PEAK1: variants seen among roughly 807,000 people sequenced by gnomAD.
PEAK1 encodes the protein pseudopodium enriched atypical kinase 1.
PEAK1 carries 54 observed loss-of-function variants against 124.7 expected under a neutral mutation model. The ratio of observed to expected loss-of-function variants is 0.43; its 90% CI spans 0.35 to 0.54. PEAK1 has a LOEUF of 0.54. Ranked by LOEUF, PEAK1 falls within the 20% of genes least tolerant of loss-of-function variation. PEAK1 has a pLI of 0.01. For missense variants in PEAK1, 2,046 were observed against 2,134.5 expected, an observed-to-expected ratio of 0.96 and a Z score of 0.82; for synonymous variants, 719 against 760.0, an observed-to-expected ratio of 0.95 and a Z score of 0.89.
chr15:77,398,804 GGAAA>G (rs773214572), intron 1 of PEAK1, among the ~76,000 whole-genome samples: 1 of 152,038 alleles, frequency 6.6e-6, no homozygotes, highest in Non-Finnish European at 1.5e-5. Flanking sequence ...TATCCAAATT[GGAAA>G]GAAAGAAGTC....
intron 9 of PEAK1, among the ~76,000 whole-genome samples, chr15:77,121,886 ATC>A (rs2051948988): frequency 6.6e-6 from 1 of 152,174 alleles, no homozygotes; most frequent in South Asian, 2.1e-4. Flanking sequence ...ACATTACACC[ATC>A]TGTGCCATTT....
chr15:77,257,902 G>C (rs1445700779), intron 5 of PEAK1, among the ~76,000 whole-genome samples: 1 of 152,122 alleles, frequency 6.6e-6, no homozygotes, highest in Non-Finnish European at 1.5e-5. Flanking sequence ...ATTGATTTTT[G>C]TATAAGGTGT....
chr15:77,352,989 A>T, intron 2 of PEAK1: 1 of 985,258 alleles, frequency 1.0e-6, no homozygotes, highest in Non-Finnish European at 1.2e-6. Context: ...TTAAATACTC[A>T]GTGAGTAAAA....
chr15:77,118,268 G>C (rs1186889969), intron 9 of PEAK1, among the ~76,000 whole-genome samples: 1 of 152,122 alleles, frequency 6.6e-6, no homozygotes, highest in Non-Finnish European at 1.5e-5. Context: ...CCCAAACACA[G>C]ACCAATGGAG....
At chr15:77,408,752 A>G (rs1351197652) in intron 1 of PEAK1, among the ~76,000 whole-genome samples, 1 of 152,152 alleles carries the variant, frequency 6.6e-6, no homozygotes, top group East Asian at 1.9e-4. Context: ...AGCATTTGAA[A>G]TATTCAACTA....
intron 1 of PEAK1, among the ~76,000 whole-genome samples, chr15:77,407,304 A>G (rs1428795110): frequency 6.6e-6 from 1 of 152,218 alleles, no homozygotes. Context: ...TCTGCACAGC[A>G]AACGAAATAA....
At chr15:77,313,652 A>ATGTGTGTGTGTGTGTGTGTGTGTGTG (rs775220459) in intron 2 of PEAK1, among the ~76,000 whole-genome samples, 1 of 90,602 alleles carries the variant, frequency 1.1e-5, no homozygotes, top group African/African-American at 4.4e-5. Flanking sequence ...GTATGTATGT[A>ATGTGTGTGTGTGTGTGTGTGTGTGTG]TGTGTGTGTG....
intron 6 of PEAK1, among the ~76,000 whole-genome samples, chr15:77,245,560 G>A (rs535751673): frequency 5.3e-5 from 8 of 151,814 alleles, no homozygotes; most frequent in African/African-American, 1.4e-4. Context: ...TTAGCCGGGC[G>A]TGGTGGCACA....
chr15:77,287,482 T>C (rs548378273), intron 2 of PEAK1, among the ~76,000 whole-genome samples: 8 of 152,204 alleles, frequency 5.3e-5, no homozygotes, highest in African/African-American at 9.7e-5. Flanking sequence ...TAAATTGTGA[T>C]TCAAAAAGGA....
At chr15:77,332,055 G>GTA (rs2065919433) in intron 2 of PEAK1, 1 of 420,796 alleles carries the variant, frequency 2.4e-6, no homozygotes. Context: ...TGGCCAACAT[G>GTA]GCGAAACTGT....
At chr15:77,318,987 A>G (rs1457803259) in intron 2 of PEAK1, among the ~76,000 whole-genome samples, 1 of 152,204 alleles carries the variant, frequency 6.6e-6, no homozygotes, top group African/African-American at 2.4e-5. Flanking sequence ...TAAAATGCTA[A>G]TTCAAAAGTA....
intron 6 of PEAK1, among the ~76,000 whole-genome samples, chr15:77,235,069 T>G (rs992649921): frequency 1.3e-5 from 2 of 152,080 alleles, no homozygotes; most frequent in African/African-American, 4.8e-5. Flanking sequence ...CCACCATGAT[T>G]TTAAGTTTCC....
Position 77,181,622 on chromosome 15 carries a change from A to G in PEAK1, c.305T>C (p.Ile102Thr), listed in dbSNP as rs760068514. 2 of 1,614,172 alleles carry G rather than the reference A, an allele frequency of 1.2e-6. No individual in the cohort carries two copies. Among genetic ancestry groups the G allele is most frequent in the South Asian group, 2.2e-5 (2 of 91,080 alleles). ...QEHCENKPVI[I>T]GWNRNRAALS... Reference sequence around the variant, plus strand: ...GGCAGCTCTGTTTCGGTTCCACCCTATGATGACAGGTTTGTTCTCACAGTG... The same window carrying G: ...GGCAGCTCTGTTTCGGTTCCACCCTGTGATGACAGGTTTGTTCTCACAGTG... Residue 102 changes from isoleucine (I) to threonine (T), a missense_variant, in exon 7 of 10, where the codon ATA becomes ACA. Physicochemically the swap from Ile to Thr is moderately conservative, Grantham distance 89 (BLOSUM62 -1). Transcript: ENST00000682557.
At chr15:77,234,820 T>C (rs1334694784) in intron 6 of PEAK1, among the ~76,000 whole-genome samples, 1 of 151,982 alleles carries the variant, frequency 6.6e-6, no homozygotes, top group African/African-American at 2.4e-5. Context: ...AAAATATATA[T>C]ATTTTTTTGA....
At position 77,173,136 on chromosome 15, in the gene PEAK1, T is replaced by C. The variant is rs114002485; in HGVS notation, c.3137+5654A>G. On this transcript the variant is annotated intron_variant, in intron 7 of 9. Transcript: ENST00000682557. ...CTAGTACAATATGGTGCCATGGCTT[T>C]GATTTATGCTAAGATGCAAGTAGTT... 4.5e-3 allele frequency among the ~76,000 whole-genome samples: 679 copies of C among 152,224 alleles called. 5 individuals carry two copies. The highest frequency in any genetic ancestry group is 0.016 in the African/African-American group (650 of 41,536).
At chr15:77,218,724 T>C (rs2059254603) in intron 6 of PEAK1, among the ~76,000 whole-genome samples, 1 of 152,116 alleles carries the variant, frequency 6.6e-6, no homozygotes, top group Non-Finnish European at 1.5e-5. Flanking sequence ...CTGGGACTAA[T>C]GGCACACACC....
At chr15:77,402,948 A>T in intron 1 of PEAK1, 1 of 985,424 alleles carries the variant, frequency 1.0e-6, no homozygotes, top group Non-Finnish European at 1.2e-6. Flanking sequence ...GTTTTCATGA[A>T]GATCACTTTG....
At chr15:77,204,296 G>A (rs780094980) in intron 6 of PEAK1, among the ~76,000 whole-genome samples, 4 of 152,158 alleles carry the variant, frequency 2.6e-5, no homozygotes, top group Non-Finnish European at 5.9e-5. Flanking sequence ...CATTGCTATC[G>A]GGAATGCAAA....
At chr15:77,287,415 T>C (rs924957984) in intron 2 of PEAK1, among the ~76,000 whole-genome samples, 2 of 152,218 alleles carry the variant, frequency 1.3e-5, no homozygotes, top group African/African-American at 4.8e-5. Flanking sequence ...GTGGCAAACT[T>C]AAACGTTTAT....
Sources: gnomAD v4.1 joint callset for allele counts (sites outside exome capture counted in the v4.1 genomes callset) on GRCh38, gnomAD v4.1.1 for gene constraint, MANE v1.5 for transcripts, NCBI Gene and HGNC (gene_info 2026-07-23, HGNC 2026-07-21) for gene names.